TENM3: variants seen among roughly 807,000 people sequenced by gnomAD.
TENM3 encodes teneurin-3.
Under a neutral mutation model 255.1 loss-of-function variants are expected in TENM3, and 63 were observed. The observed-to-expected ratio is 0.25, with a 90% CI of 0.20 to 0.30. The LOEUF is 0.30. TENM3 is among the 10% of genes least tolerant of loss of function. The pLI, the probability that TENM3 is intolerant of heterozygous loss-of-function variation, is 1.00. For missense variants in TENM3, 2,929 were observed against 3,461.1 expected (o/e 0.85, Z 3.86); for synonymous variants, 1,306 against 1,322.3 (o/e 0.99, Z 0.27).
rs1204644180 is a variant in TENM3, at chr4:182,153,530, G to A, written c.-76+8776G>A. 5.3e-5 allele frequency among the ~76,000 whole-genome samples: 8 copies of A among 152,086 alleles called. No homozygotes were observed. In the East Asian group the frequency reaches 7.7e-4, roughly 15 times the overall value. The stretch of plus-strand genomic sequence containing the variant: ...GTCAACCATCAGTATAGCCATGACC[G>A]AAGTCCATTTTCTCATTCTGAAAGT... On this transcript the variant is annotated intron_variant, in intron 1 of 2. Coordinates refer to the TENM3 transcript ENST00000512480.
the TENM3 span, among the ~76,000 whole-genome samples, chr4:181,518,959 T>A: frequency 6.6e-6 from 1 of 152,220 alleles, no homozygotes; most frequent in Non-Finnish European, 1.5e-5. Flanking sequence ...CGTTGAATAC[T>A]CATCAAGATA....
intron 4 of TENM3, among the ~76,000 whole-genome samples, chr4:182,611,044 G>C (rs1236240094): frequency 1.3e-5 from 2 of 151,866 alleles, no homozygotes; most frequent in Non-Finnish European, 2.9e-5. Context: ...ATCACATCTG[G>C]CCTTATCTTC....
intron 1 of TENM3, among the ~76,000 whole-genome samples, chr4:182,214,062 C>G (rs189920593): frequency 6.6e-6 from 1 of 152,222 alleles, no homozygotes; most frequent in Non-Finnish European, 1.5e-5. Flanking sequence ...GCGGCCTCCC[C>G]AAGTGCTGGG....
At chr4:181,833,371 G>A in the TENM3 span, among the ~76,000 whole-genome samples, 1 of 152,024 alleles carries the variant, frequency 6.6e-6, no homozygotes. Context: ...TGTCCACGGG[G>A]CTATCACAGT....
At chr4:182,349,289 A>G (rs1278502380) in intron 3 of TENM3, among the ~76,000 whole-genome samples, 2 of 152,210 alleles carry the variant, frequency 1.3e-5, no homozygotes, top group Admixed American at 1.3e-4. Context: ...AAGAAACAAA[A>G]GAGGAAATAA....
chr4:181,569,187 A>G, the TENM3 span, among the ~76,000 whole-genome samples: 1 of 152,038 alleles, frequency 6.6e-6, no homozygotes. Context: ...AAACAGCAAC[A>G]ACAAATGTGA....
At chr4:181,910,994 C>A in the TENM3 span, among the ~76,000 whole-genome samples, 4 of 152,056 alleles carry the variant, frequency 2.6e-5, no homozygotes, top group African/African-American at 4.8e-5. Flanking sequence ...TCTTGGCAAA[C>A]TTATTTGAGT....
chr4:181,926,137 T>A, the TENM3 span, among the ~76,000 whole-genome samples: 1 of 152,224 alleles, frequency 6.6e-6, no homozygotes, highest in African/African-American at 2.4e-5. Flanking sequence ...TAAAATTCAG[T>A]ATCTTTTAAA....
At chr4:182,796,524 C>T (rs1766505499) in intron 26 of TENM3, 113 bp from the exon 27 acceptor site, 1 of 1,066,276 alleles carries the variant, frequency 9.4e-7, no homozygotes, top group Non-Finnish European at 1.3e-6. Context: ...AACAGGTGCT[C>T]TTTTTCAGAT....
the TENM3 span, among the ~76,000 whole-genome samples, chr4:181,556,334 T>C: frequency 1.3e-5 from 2 of 152,166 alleles, no homozygotes; most frequent in Non-Finnish European, 2.9e-5. Flanking sequence ...AGCTTACTAA[T>C]TGGATGCTCA....
At chr4:182,468,021 A>G (rs760469010) in intron 3 of TENM3, among the ~76,000 whole-genome samples, 35 of 152,320 alleles carry the variant, frequency 2.3e-4, no homozygotes, top group South Asian at 1.0e-3. Flanking sequence ...ATGGGTGATG[A>G]TCTTACCTAT....
At chr4:182,668,449 C>A (rs1226481749) in intron 6 of TENM3, among the ~76,000 whole-genome samples, 4 of 152,010 alleles carry the variant, frequency 2.6e-5, no homozygotes, top group African/African-American at 9.7e-5. Flanking sequence ...ACTAGATGAC[C>A]CCCACGGGTA....
the TENM3 span, among the ~76,000 whole-genome samples, chr4:181,930,490 A>G: frequency 6.6e-6 from 1 of 152,170 alleles, no homozygotes; most frequent in East Asian, 1.9e-4. Context: ...CCCTGAATAG[A>G]CCAATAACAA....
chr4:181,459,441 T>G, the TENM3 span, among the ~76,000 whole-genome samples: 9 of 152,014 alleles, frequency 5.9e-5, no homozygotes, highest in Admixed American at 4.6e-4. Flanking sequence ...CCATAAAAAT[T>G]TCCTCCTATA....
At chr4:181,940,653 A>G in the TENM3 span, among the ~76,000 whole-genome samples, 1 of 152,204 alleles carries the variant, frequency 6.6e-6, no homozygotes, top group Admixed American at 6.5e-5. Flanking sequence ...GAAAAGGTAA[A>G]TTTGTGCAAA....
chr4:182,378,202 C>T (rs1767310640), intron 3 of TENM3, among the ~76,000 whole-genome samples: 1 of 152,120 alleles, frequency 6.6e-6, no homozygotes, highest in South Asian at 2.1e-4. Flanking sequence ...AATAAGGAAA[C>T]CAACATACAG....
chr4:182,426,868 T>C (rs1771262796), intron 3 of TENM3, among the ~76,000 whole-genome samples: 1 of 152,222 alleles, frequency 6.6e-6, no homozygotes, highest in Non-Finnish European at 1.5e-5. Context: ...GAAATTATAG[T>C]ACCCCTGTGT....
chr4:182,702,744 T>C (rs1464920702), intron 12 of TENM3, among the ~76,000 whole-genome samples: 1 of 151,824 alleles, frequency 6.6e-6, no homozygotes, highest in Non-Finnish European at 1.5e-5. Context: ...TTTTTTTTTT[T>C]TTTCTTTTTT....
At chr4:181,564,791 T>A in the TENM3 span, among the ~76,000 whole-genome samples, 1 of 152,300 alleles carries the variant, frequency 6.6e-6, no homozygotes, top group Non-Finnish European at 1.5e-5. Context: ...AAGTCATCCA[T>A]TTACATAAGC....
Sources: gnomAD v4.1 joint callset for allele counts (sites outside exome capture counted in the v4.1 genomes callset) on GRCh38, gnomAD v4.1.1 for gene constraint, MANE v1.5 for transcripts, NCBI Gene and HGNC (gene_info 2026-07-23, HGNC 2026-07-21) for gene names.